The following SLC30A6 variants were observed in gnomAD, a reference collection of about 807,000 sequenced individuals.
SLC30A6 encodes solute carrier family 30 member 6.
SLC30A6 carries 55 observed loss-of-function variants against 63.0 expected under a neutral mutation model. The ratio of observed to expected loss-of-function variants is 0.87; its 90% confidence interval spans 0.70 to 1.09. SLC30A6 has a LOEUF of 1.09. SLC30A6 is among the 50% of genes least tolerant of loss of function. SLC30A6 has a pLI of 0.00. For synonymous variants in SLC30A6, 224 were observed against 186.1 expected (o/e 1.20, Z -1.66); for missense variants, 587 against 549.2 (o/e 1.07, Z -0.69).
chr2:32,192,523 G>A, intron 6 of SLC30A6, 107 bp downstream of exon 6: 4 of 901,080 alleles, frequency 4.4e-6, no homozygotes, highest in Non-Finnish European at 6.9e-6. Context: ...ACTTAGATGA[G>A]CAGGGCTGGA....
intron 13 of SLC30A6, among the ~76,000 whole-genome samples, chr2:32,211,161 CG>C (rs1157621979): frequency 6.6e-6 from 1 of 152,174 alleles, no homozygotes; most frequent in East Asian, 1.9e-4. Context: ...GCTTGCTCCT[CG>C]ACTGTACACC....
In SLC30A6 at chr2:32,221,079, G is replaced by A. The variant is rs1018658157; in HGVS notation, c.*366G>A. On this transcript the variant is annotated 3_prime_UTR_variant, in exon 14 of 14. Coordinates refer to ENST00000282587, the MANE Select transcript of SLC30A6 (RefSeq NM_017964.5). ...CGATATTTCTTTTTTTTTCCGAGACGGAGTCTTGCTCTGCCACTGTGCCCG... is the reference window on the plus strand; with the variant it reads ...CGATATTTCTTTTTTTTTCCGAGACAGAGTCTTGCTCTGCCACTGTGCCCG... 12 of 204,780 alleles carry A rather than the reference G, an allele frequency of 5.9e-5. No homozygotes were observed. Among genetic ancestry groups the A allele is most frequent in the Admixed American group, 1.1e-4 (2 of 18,860 alleles). 12.7% of individuals were successfully genotyped at this position (204,780 alleles called of 1,614,324 possible).
At chr2:32,170,275 G>A (rs1444413729) in intron 1 of SLC30A6, among the ~76,000 whole-genome samples, 2 of 152,276 alleles carry the variant, frequency 1.3e-5, no homozygotes, top group Middle Eastern at 3.4e-3. Context: ...CGGTAAGGGT[G>A]AAACATTACC....
At chr2:32,166,511 T>G (rs1394439726) in intron 1 of SLC30A6, among the ~76,000 whole-genome samples, 1 of 152,224 alleles carries the variant, frequency 6.6e-6, no homozygotes, top group Non-Finnish European at 1.5e-5. Flanking sequence ...GACGTTATGG[T>G]TGTTGGGATA....
chr2:32,193,104 T>C, intron 7 of SLC30A6, 151 bp downstream of exon 7: 1 of 488,764 alleles, frequency 2.0e-6, no homozygotes, highest in Non-Finnish European at 3.6e-6. Flanking sequence ...ATACTAAGAC[T>C]CCGTTTCTTT....
intron 5 of SLC30A6, among the ~76,000 whole-genome samples, chr2:32,190,707 C>T (rs899580800): frequency 6.6e-6 from 1 of 152,146 alleles, no homozygotes; most frequent in African/African-American, 2.4e-5. Flanking sequence ...TCACTTCAAC[C>T]TCCATCTCCC....
At chr2:32,181,923 TTTTTC>T (rs1177421323) in intron 4 of SLC30A6, among the ~76,000 whole-genome samples, 1 of 149,390 alleles carries the variant, frequency 6.7e-6, no homozygotes, top group Non-Finnish European at 1.5e-5. Flanking sequence ...GTATATTTCG[TTTTTC>T]TTTTCTTTTT....
chr2:32,196,837 G>T (rs528985227), intron 8 of SLC30A6, among the ~76,000 whole-genome samples: 1 of 152,230 alleles, frequency 6.6e-6, no homozygotes, highest in South Asian at 2.1e-4. Context: ...GAGGCAGGTG[G>T]ATCACCTGAG....
intron 11 of SLC30A6, among the ~76,000 whole-genome samples, chr2:32,206,300 G>T (rs2148887293): frequency 6.6e-6 from 1 of 152,128 alleles, no homozygotes; most frequent in East Asian, 2.0e-4. Context: ...CAAAAAATTA[G>T]CCGGGCATGG....
chr2:32,200,490 T>C (rs1684192062), intron 10 of SLC30A6, among the ~76,000 whole-genome samples: 1 of 151,100 alleles, frequency 6.6e-6, no homozygotes. Context: ...TGGGAGACTT[T>C]TCATTTTGTT....
At chr2:32,185,325 A>G (rs966738679) in intron 5 of SLC30A6, among the ~76,000 whole-genome samples, 1 of 152,064 alleles carries the variant, frequency 6.6e-6, no homozygotes, top group Admixed American at 6.6e-5. Flanking sequence ...GCATCACTGC[A>G]TTACAGATGG....
chr2:32,177,084 C>A (rs1409067885), intron 4 of SLC30A6, among the ~76,000 whole-genome samples: 1 of 151,974 alleles, frequency 6.6e-6, no homozygotes, highest in Non-Finnish European at 1.5e-5. Context: ...ACAATATTTT[C>A]CTTGTCTCAA....
intron 4 of SLC30A6, among the ~76,000 whole-genome samples, chr2:32,182,379 T>C (rs1041227781): frequency 6.6e-6 from 1 of 152,214 alleles, no homozygotes; most frequent in African/African-American, 2.4e-5. Flanking sequence ...TTACATGAAT[T>C]GGAAGTGAGA....
At chr2:32,200,877 A>G (rs1218677870) in intron 10 of SLC30A6, among the ~76,000 whole-genome samples, 1 of 152,122 alleles carries the variant, frequency 6.6e-6, no homozygotes, top group Admixed American at 6.5e-5. Flanking sequence ...CCCTTTGCAT[A>G]GTTGCAAAAA....
At chr2:32,202,864 C>A in intron 10 of SLC30A6, 1 of 914,784 alleles carries the variant, frequency 1.1e-6, no homozygotes, top group Non-Finnish European at 1.8e-6. Flanking sequence ...GGAAAAATGA[C>A]TCAAAAGGCT....
intron 10 of SLC30A6, chr2:32,201,530 C>A: frequency 1.3e-6 from 1 of 748,894 alleles, no homozygotes; most frequent in Non-Finnish European, 2.1e-6. Context: ...GCCCCTGTTT[C>A]CTTTCACGTT....
At chr2:32,207,396 A>C (rs909696284) in intron 12 of SLC30A6, among the ~76,000 whole-genome samples, 1 of 149,820 alleles carries the variant, frequency 6.7e-6, no homozygotes, top group African/African-American at 2.5e-5. Context: ...TTTTTTTTTG[A>C]GACAGAGTCT....
At chr2:32,193,860 A>T in intron 7 of SLC30A6, 29 bp from the exon 8 acceptor site, 1 of 1,555,662 alleles carries the variant, frequency 6.4e-7, no homozygotes, top group South Asian at 1.1e-5. Context: ...GAACAAATTA[A>T]AGGTGAATGT....
intron 5 of SLC30A6, among the ~76,000 whole-genome samples, chr2:32,188,457 G>A (rs1683028250): frequency 6.6e-6 from 1 of 152,174 alleles, no homozygotes; most frequent in Non-Finnish European, 1.5e-5. Context: ...GCTTTGGGAG[G>A]CCGAGGTGGG....
Sources: allele counts gnomAD v4.1 joint callset (sites outside exome capture counted in the v4.1 genomes callset), GRCh38; gene constraint gnomAD v4.1.1; transcripts MANE v1.5; gene names NCBI Gene and HGNC (gene_info 2026-07-23, HGNC 2026-07-21).